Variants in CALN1 observed in about 807,000 individuals in gnomAD.
The protein encoded by CALN1 is calneuron 1, also known as calcium-binding protein 8.
Under a neutral mutation model 30.6 loss-of-function variants are expected in CALN1, and 17 were observed. The observed-to-expected ratio is 0.56, with a 90% confidence interval of 0.38 to 0.83. The LOEUF (loss-of-function observed/expected upper bound fraction) is 0.83. Among genes scored for constraint, CALN1 ranks in the 40% least tolerant of loss-of-function variants. The pLI, the probability that CALN1 is intolerant of heterozygous loss-of-function variation, is 0.00. For synonymous variants in CALN1, 156 were observed against 131.4 expected (o/e 1.19, Z -1.28); for missense variants, 291 against 354.9 (o/e 0.82, Z 1.45).
At chr7:72,040,633 A>G (rs1286968885) in intron 4 of CALN1, among the ~76,000 whole-genome samples, 1 of 152,248 alleles carries the variant, frequency 6.6e-6, no homozygotes, top group Non-Finnish European at 1.5e-5. Context: ...AAATTGTCTC[A>G]TAACTATGGA....
intron 5 of CALN1, among the ~76,000 whole-genome samples, chr7:72,003,270 T>C (rs1584722625): frequency 6.6e-6 from 1 of 152,224 alleles, no homozygotes; most frequent in South Asian, 2.1e-4. Context: ...AGGTATACCC[T>C]TGTCAAGACA....
chr7:72,372,015 T>A (rs912378961), intron 2 of CALN1, among the ~76,000 whole-genome samples: 1 of 152,198 alleles, frequency 6.6e-6, no homozygotes, highest in Non-Finnish European at 1.5e-5. Flanking sequence ...CTGGCATTTC[T>A]GAGATTGAAT....
In CALN1 at chr7:72,338,498, T is replaced by A. The variant is rs1011390270; in HGVS notation, c.120-59688A>T. ...GTGTGTGTGTGTGTGTGTGTGTGTGTGTGTGTGTGTGTGTGTGTGTGTGTG... is the reference window on the plus strand; with the variant it reads ...GTGTGTGTGTGTGTGTGTGTGTGTGAGTGTGTGTGTGTGTGTGTGTGTGTG... On this transcript the variant is annotated intron_variant, in intron 2 of 6. Transcript: ENST00000395275. Among the ~76,000 whole-genome samples, 20 of 144,776 alleles carry A rather than the reference T, an allele frequency of 1.4e-4. No individual in the cohort carries two copies. The South Asian group carries it at 2.9e-3, about 21-fold the overall frequency. The allele number at this position is 144,776 out of a possible 152,430, so 95.0% of individuals were successfully genotyped here.
intron 3 of CALN1, among the ~76,000 whole-genome samples, chr7:72,217,020 G>A (rs928787184): frequency 2.6e-5 from 4 of 152,092 alleles, no homozygotes; most frequent in Non-Finnish European, 5.9e-5. Context: ...TTACAGGTGT[G>A]AGCCATCACA....
intron 3 of CALN1, among the ~76,000 whole-genome samples, chr7:72,219,550 T>C (rs1793105354): frequency 6.6e-6 from 1 of 151,886 alleles, no homozygotes; most frequent in South Asian, 2.1e-4. Context: ...CATTTAAGAG[T>C]CAACTGAATT....
chr7:71,938,053 A>G (rs1024724267), intron 5 of CALN1, among the ~76,000 whole-genome samples: 1 of 149,664 alleles, frequency 6.7e-6, no homozygotes, highest in African/African-American at 2.4e-5. Flanking sequence ...GGGCTTGTAG[A>G]AAGAGAAAGA....
intron 3 of CALN1, among the ~76,000 whole-genome samples, chr7:72,138,559 G>GAC (rs1319143977): frequency 1.6e-5 from 1 of 61,194 alleles, no homozygotes; most frequent in Non-Finnish European, 2.9e-5. Context: ...AGGAGACGGG[G>GAC]ACTGCCCTTA....
At chr7:72,427,628 C>A (rs746721966) in intron 1 of CALN1, among the ~76,000 whole-genome samples, 9 of 152,178 alleles carry the variant, frequency 5.9e-5, no homozygotes, top group Admixed American at 2.0e-4. Context: ...CAGGTGCATG[C>A]CACCACACAT....
At chr7:72,101,871 C>T (rs905608928) in intron 4 of CALN1, among the ~76,000 whole-genome samples, 2 of 152,166 alleles carry the variant, frequency 1.3e-5, no homozygotes, top group Non-Finnish European at 2.9e-5. Flanking sequence ...TAGAATTAAG[C>T]TGCTTTTCAG....
chr7:71,975,256 G>C (rs571053458), intron 5 of CALN1, among the ~76,000 whole-genome samples: 2 of 152,158 alleles, frequency 1.3e-5, no homozygotes, highest in East Asian at 1.9e-4. Context: ...TCCTCTGGTG[G>C]GTGGCATCTG....
the CALN1 span, among the ~76,000 whole-genome samples, chr7:72,487,512 C>A: frequency 1.3e-5 from 2 of 151,246 alleles, no homozygotes; most frequent in African/African-American, 4.9e-5. Flanking sequence ...ATGGTGACAC[C>A]CCGTCTCTAC....
rs955556665 is a variant in CALN1, at chr7:72,076,626, A to C, written c.388+29525T>G. 5.1e-5 allele frequency among the ~76,000 whole-genome samples: 7 copies of C among 137,588 alleles called. No homozygotes were observed. In the Admixed American group the frequency reaches 5.2e-4, roughly 10 times the overall value. 90.3% of individuals were successfully genotyped at this position (137,588 alleles called of 152,430 possible). A position where few individuals can be genotyped will look rare whatever the true frequency, so the allele number is the denominator to read the frequency against. On this transcript the variant is annotated intron_variant, in intron 4 of 6. Coordinates refer to ENST00000395275, the MANE Select transcript of CALN1 (RefSeq NM_031468.4). Reference sequence around the variant, plus strand: ...AAAAAAAAAGCAAAAAAAAAAAAAAAAAAAAAAAAAAAAAAAAAAAAGCAA... The same window carrying C: ...AAAAAAAAAGCAAAAAAAAAAAAAACAAAAAAAAAAAAAAAAAAAAAGCAA...
intron 5 of CALN1, among the ~76,000 whole-genome samples, chr7:71,849,072 T>C (rs1427228920): frequency 6.6e-6 from 1 of 152,200 alleles, no homozygotes; most frequent in Admixed American, 6.5e-5. Flanking sequence ...ACGGGTGTCT[T>C]AAGGTGTTTA....
At chr7:71,998,313 G>A (rs989718639) in intron 5 of CALN1, among the ~76,000 whole-genome samples, 22 of 152,116 alleles carry the variant, frequency 1.4e-4, no homozygotes, top group Admixed American at 2.6e-4. Flanking sequence ...GGAGGAGGAA[G>A]AAATAAGAGG....
intron 4 of CALN1, among the ~76,000 whole-genome samples, chr7:72,076,124 G>T (rs755100112): frequency 6.6e-6 from 1 of 151,998 alleles, no homozygotes; most frequent in Non-Finnish European, 1.5e-5. Context: ...AGCTCACAGT[G>T]GCCAAGGACC....
At chr7:72,199,508 C>A (rs529339671) in intron 3 of CALN1, among the ~76,000 whole-genome samples, 1 of 152,080 alleles carries the variant, frequency 6.6e-6, no homozygotes, top group Admixed American at 6.5e-5. Context: ...GAGTTCGAGA[C>A]AAGGAGTTCA....
intron 5 of CALN1, among the ~76,000 whole-genome samples, chr7:71,971,952 A>AGAAAG (rs1348988060): frequency 0.016 from 1,828 of 112,634 alleles, 58 homozygotes; most frequent in African/African-American, 0.07. Flanking sequence ...AAAAAAAAAA[A>AGAAAG]AAAAGAAAGA....
the CALN1 span, among the ~76,000 whole-genome samples, chr7:72,476,052 G>C: frequency 6.8e-6 from 1 of 147,184 alleles, no homozygotes; most frequent in East Asian, 2.1e-4. Context: ...GGGTTCAAGA[G>C]ATTCTCCTGC....
At position 72,294,111 on chromosome 7, in the gene CALN1, TCA is replaced by T. The variant is rs1289488156; in HGVS notation, c.120-15303_120-15302del. 2.6e-5 allele frequency among the ~76,000 whole-genome samples: 4 copies of T among 151,886 alleles called. No homozygotes were observed. The South Asian group carries it at 6.3e-4, about 24-fold the overall frequency. On this transcript the variant is annotated intron_variant, in intron 2 of 6. Coordinates refer to ENST00000395275, the MANE Select transcript of CALN1 (RefSeq NM_031468.4). ...TATCCACAAAAAAACAAAATGAGAT[TCA>T]GTTTCCTTCAGAATAATAATGGCTT... is the stretch of plus-strand genomic sequence containing the variant.
Sources: allele counts gnomAD v4.1 joint callset (sites outside exome capture counted in the v4.1 genomes callset), GRCh38; gene constraint gnomAD v4.1.1; transcripts MANE v1.5; gene names NCBI Gene and HGNC (gene_info 2026-07-23, HGNC 2026-07-21).